SLC8A3: variants seen among roughly 807,000 people sequenced by gnomAD.
The protein encoded by SLC8A3 is sodium/calcium exchanger 3.
In SLC8A3, 37 loss-of-function variants were observed where a neutral mutation model predicts 65.4. The observed-to-expected ratio is 0.57, with a 90% confidence interval of 0.44 to 0.74. SLC8A3 has a LOEUF of 0.74. Among genes scored for constraint, SLC8A3 ranks in the 30% least tolerant of loss-of-function variants. The probability of loss-of-function intolerance (pLI) is 0.00; values close to 1 mark genes in which losing one functional copy is unlikely to be tolerated. For missense variants in SLC8A3, 1,112 were observed against 1,172.1 expected (o/e 0.95, Z 0.75); for synonymous variants, 461 against 444.5 (o/e 1.04, Z -0.47).
chr14:70,074,272 C>T (rs779655943), intron 2 of SLC8A3, among the ~76,000 whole-genome samples: 2 of 152,202 alleles, frequency 1.3e-5, no homozygotes, highest in African/African-American at 4.8e-5. Flanking sequence ...TGTGAGAATT[C>T]GAGATGACCT....
chr14:70,114,928 G>C (rs1181649761), intron 2 of SLC8A3, among the ~76,000 whole-genome samples: 1 of 152,084 alleles, frequency 6.6e-6, no homozygotes, highest in African/African-American at 2.4e-5. Flanking sequence ...GACCAGGCAG[G>C]GCAGATACAC....
intron 2 of SLC8A3, among the ~76,000 whole-genome samples, chr14:70,140,557 C>T (rs995209733): frequency 3.3e-5 from 5 of 152,190 alleles, no homozygotes; most frequent in African/African-American, 7.2e-5. Context: ...CCACCTCACA[C>T]CTTGGGATTC....
intron 2 of SLC8A3, among the ~76,000 whole-genome samples, chr14:70,104,151 A>G (rs931938945): frequency 6.6e-6 from 1 of 152,106 alleles, no homozygotes; most frequent in Non-Finnish European, 1.5e-5. Flanking sequence ...TGACAGAACT[A>G]AAGAGAGAAA....
At chr14:70,125,662 A>T (rs913969336) in intron 2 of SLC8A3, among the ~76,000 whole-genome samples, 1 of 152,094 alleles carries the variant, frequency 6.6e-6, no homozygotes, top group African/African-American at 2.4e-5. Context: ...TCTTTTTTAT[A>T]TAATAATTTA....
intron 2 of SLC8A3, among the ~76,000 whole-genome samples, chr14:70,104,436 A>T (rs1234424626): frequency 2.0e-5 from 3 of 152,096 alleles, no homozygotes; most frequent in African/African-American, 7.2e-5. Context: ...ATATAATTTG[A>T]GACTCTGTTA....
intron 2 of SLC8A3, among the ~76,000 whole-genome samples, chr14:70,150,262 T>C (rs1336026740): frequency 6.6e-6 from 1 of 152,226 alleles, no homozygotes; most frequent in East Asian, 1.9e-4. Context: ...GGTGCTATTA[T>C]TAGCCATGTT....
intron 2 of SLC8A3, among the ~76,000 whole-genome samples, chr14:70,080,510 T>G (rs1185645071): frequency 6.6e-6 from 1 of 152,202 alleles, no homozygotes; most frequent in Non-Finnish European, 1.5e-5. Flanking sequence ...AGACACAGCC[T>G]TAACTCCAGG....
At chr14:70,163,864 G>T (rs1897023560) in intron 2 of SLC8A3, among the ~76,000 whole-genome samples, 1 of 152,046 alleles carries the variant, frequency 6.6e-6, no homozygotes, top group South Asian at 2.1e-4. Flanking sequence ...GGATGATTGA[G>T]CAACACATTA....
At chr14:70,122,858 G>C (rs1019663412) in intron 2 of SLC8A3, among the ~76,000 whole-genome samples, 1 of 150,202 alleles carries the variant, frequency 6.7e-6, no homozygotes, top group Non-Finnish European at 1.5e-5. Flanking sequence ...GATTGCTTGA[G>C]GCCAGGAGTT....
At chr14:70,080,792 C>A (rs773242049) in intron 2 of SLC8A3, among the ~76,000 whole-genome samples, 3 of 152,176 alleles carry the variant, frequency 2.0e-5, no homozygotes, top group Non-Finnish European at 2.9e-5. Flanking sequence ...ACATGGTAGG[C>A]TCCAAGCTGA....
At chr14:70,093,494 T>C (rs998093579) in intron 2 of SLC8A3, among the ~76,000 whole-genome samples, 2 of 152,184 alleles carry the variant, frequency 1.3e-5, no homozygotes, top group Admixed American at 1.3e-4. Context: ...ACAGGACTAT[T>C]GAGGGGATGA....
chr14:70,153,696 C>T (rs1172043505), intron 2 of SLC8A3, among the ~76,000 whole-genome samples: 1 of 152,174 alleles, frequency 6.6e-6, no homozygotes, highest in Non-Finnish European at 1.5e-5. Context: ...GAGCGATAGA[C>T]ACTCACCCCT....
At chr14:70,109,316 T>TTATATATATATG (rs997383503) in intron 2 of SLC8A3, among the ~76,000 whole-genome samples, 16 of 148,382 alleles carry the variant, frequency 1.1e-4, no homozygotes, top group Non-Finnish European at 2.1e-4. Flanking sequence ...TATATACACA[T>TTATATATATATG]TATATATATA....
chr14:70,136,024 CTAT>C (rs1467053263), intron 2 of SLC8A3, among the ~76,000 whole-genome samples: 2 of 151,778 alleles, frequency 1.3e-5, no homozygotes, highest in African/African-American at 2.4e-5. Flanking sequence ...CTATGCATAA[CTAT>C]TATGTTTATC....
At chr14:70,063,963 A>G (rs754963656) in intron 2 of SLC8A3, 2 of 1,193,954 alleles carry the variant, frequency 1.7e-6, no homozygotes, top group Middle Eastern at 2.2e-4. Flanking sequence ...ATAAGCAAGG[A>G]GTAGAGTGTA....
In SLC8A3 at chr14:70,166,894, C is replaced by A; in HGVS notation, c.1529G>T (p.Arg510Leu). 6.2e-7 allele frequency: 1 copy of A among 1,614,116 alleles called. No homozygotes were observed. The highest frequency in any genetic ancestry group is 8.5e-7 in the Non-Finnish European group (1 of 1,180,006). ...CACACAAGGGGAGGCTAGGACAGCC[C>A]GAGGCAAGGGAAGACTGTTGAATAT... ...PAIFNSLPLP[R>L]AVLASPCVAT... is the part of the protein sequence containing the mutation. The change falls in exon 2 of 7, where the codon CGG becomes CTG. Residue 510 changes from arginine (R) to leucine (L), a missense_variant. Coordinates refer to ENST00000356921, the MANE Select transcript of SLC8A3 (RefSeq NM_182932.3).
chr14:70,105,246 G>A (rs957236853), intron 2 of SLC8A3, among the ~76,000 whole-genome samples: 23 of 152,156 alleles, frequency 1.5e-4, no homozygotes, highest in Admixed American at 5.2e-4. Flanking sequence ...GGAGAATGGC[G>A]TGAACCTGGG....
rs200743529 is a variant in SLC8A3, at chr14:70,172,151, T to TC, written c.-62-3668dup. The stretch of plus-strand genomic sequence containing the variant: ...AGATATGACTCAACTTGAGATCTTT[T>TC]CCCCCACCCAGGACCACCCCAAATC... On this transcript the variant is annotated intron_variant, in intron 1 of 6. Coordinates refer to ENST00000356921, the MANE Select transcript of SLC8A3 (RefSeq NM_182932.3). Among the ~76,000 whole-genome samples, 312 of 150,784 alleles carry TC rather than the reference T, an allele frequency of 2.1e-3. 3 individuals are homozygous for TC. Among genetic ancestry groups the TC allele is most frequent in the South Asian group, 0.01 (50 of 4,806 alleles).
At chr14:70,083,193 G>A (rs72729860) in intron 2 of SLC8A3, among the ~76,000 whole-genome samples, 8,834 of 152,240 alleles carry the variant, frequency 0.058, 268 homozygotes, top group Non-Finnish European at 0.065. Flanking sequence ...TAGAGTGATT[G>A]TTTTTCCAAG....
Sources: gnomAD v4.1 joint callset for allele counts (sites outside exome capture counted in the v4.1 genomes callset) on GRCh38, gnomAD v4.1.1 for gene constraint, MANE v1.5 for transcripts, NCBI Gene and HGNC (gene_info 2026-07-23, HGNC 2026-07-21) for gene names.